The following FAM184A variants were observed in gnomAD, a reference collection of about 807,000 sequenced individuals.
FAM184A encodes protein FAM184A.
Under a neutral mutation model 143.8 loss-of-function variants are expected in FAM184A, and 99 were observed. The observed-to-expected ratio is 0.69, with a 90% CI of 0.58 to 0.81. FAM184A has a LOEUF of 0.81. FAM184A is among the 40% of genes least tolerant of loss of function. FAM184A has a pLI of 0.00. For missense variants in FAM184A, 1,217 were observed against 1,310.5 expected (o/e 0.93, Z 1.10); for synonymous variants, 427 against 446.4 (o/e 0.96, Z 0.55).
Position 119,099,236 on chromosome 6 carries a change from G to A in FAM184A, c.-202+49842C>T, listed in dbSNP as rs73533328. 3.8e-4 allele frequency among the ~76,000 whole-genome samples: 58 copies of A among 151,930 alleles called. 1 individual carries two copies. The highest frequency in any genetic ancestry group is 3.5e-3 in the Admixed American group (53 of 15,252). On this transcript the variant is annotated intron_variant, in intron 1 of 16. Transcript: ENST00000352896. ...TATGCATCTCTTCATCGTATCCTTC[G>A]CAATCTCCTTTGTAACAAGCCAGTG...
chr6:118,990,962 C>A (rs1389533692), intron 9 of FAM184A, among the ~76,000 whole-genome samples: 1 of 151,838 alleles, frequency 6.6e-6, no homozygotes, highest in Non-Finnish European at 1.5e-5. Flanking sequence ...GGGTGAGATA[C>A]AGAGTTGAGT....
At chr6:119,035,748 G>C (rs542524194) in intron 1 of FAM184A, among the ~76,000 whole-genome samples, 5 of 152,078 alleles carry the variant, frequency 3.3e-5, no homozygotes, top group Admixed American at 1.3e-4. Flanking sequence ...TTAACCAGCT[G>C]CCAAAAAAAA....
intron 1 of FAM184A, among the ~76,000 whole-genome samples, chr6:119,049,632 T>C (rs1009455105): frequency 6.6e-6 from 1 of 152,210 alleles, no homozygotes; most frequent in Non-Finnish European, 1.5e-5. Flanking sequence ...GCTAGCCATA[T>C]GTAGAAGATT....
chr6:119,116,019 A>ACACACAC (rs1789052331), intron 1 of FAM184A, among the ~76,000 whole-genome samples: 2 of 151,056 alleles, frequency 1.3e-5, no homozygotes, highest in Admixed American at 6.6e-5. Flanking sequence ...ACACACACAC[A>ACACACAC]ACGAGAGAGA....
At chr6:119,076,535 A>C (rs1486721640) in intron 1 of FAM184A, among the ~76,000 whole-genome samples, 1 of 152,218 alleles carries the variant, frequency 6.6e-6, no homozygotes, top group Non-Finnish European at 1.5e-5. Context: ...GGAAACTGAA[A>C]AAGTGTTAAG....
In FAM184A at chr6:118,966,922, C is replaced by A. The variant is rs1783519229; in HGVS notation, c.2946G>T (p.Met982Ile). Residue 982 changes from methionine to isoleucine, a missense_variant, in exon 15 of 18, where the codon ATG (methionine) becomes ATT (isoleucine). Transcript: ENST00000338891. ...SLEEMEEKYLMRESKPEDIQM... is the reference protein window; with the variant it reads ...SLEEMEEKYLIRESKPEDIQM... ...GTATATCTTCTGGTTTTGATTCTCT[C>A]ATTAGATATTTTTCTTCCATTTCTT... 4 of 1,567,594 alleles carry A rather than the reference C, an allele frequency of 2.6e-6. No homozygotes were observed. Among genetic ancestry groups the A allele is most frequent in the South Asian group, 1.1e-5 (1 of 88,394 alleles).
At chr6:118,992,865 G>C (rs556164653) in intron 9 of FAM184A, among the ~76,000 whole-genome samples, 4 of 152,146 alleles carry the variant, frequency 2.6e-5, no homozygotes, top group Non-Finnish European at 5.9e-5. Context: ...AGGGGGTCAA[G>C]ACCACACTGA....
At chr6:119,029,476 C>T (rs1235170550) in intron 1 of FAM184A, among the ~76,000 whole-genome samples, 1 of 152,026 alleles carries the variant, frequency 6.6e-6, no homozygotes, top group Non-Finnish European at 1.5e-5. Context: ...TTCTTTATAT[C>T]TAGAACCTCC....
chr6:119,040,258 C>T (rs976342356), intron 1 of FAM184A, among the ~76,000 whole-genome samples: 2 of 152,158 alleles, frequency 1.3e-5, no homozygotes, highest in Admixed American at 6.5e-5. Context: ...GATTTGCCGC[C>T]GGTAACTCGG....
At chr6:119,021,892 C>T (rs1174430686) in intron 3 of FAM184A, among the ~76,000 whole-genome samples, 1 of 152,052 alleles carries the variant, frequency 6.6e-6, no homozygotes, top group African/African-American at 2.4e-5. Context: ...GGGAGGATCA[C>T]TTGAGCCCAG....
chr6:119,061,210 A>G (rs1787223009), intron 1 of FAM184A, among the ~76,000 whole-genome samples: 1 of 152,218 alleles, frequency 6.6e-6, no homozygotes, highest in Non-Finnish European at 1.5e-5. Flanking sequence ...GGAATAGTTT[A>G]CAAGTTGCGG....
intron 1 of FAM184A, among the ~76,000 whole-genome samples, chr6:119,127,678 C>T (rs1789408897): frequency 6.6e-6 from 1 of 152,156 alleles, no homozygotes; most frequent in Non-Finnish European, 1.5e-5. Context: ...GAAGCAGCTA[C>T]CCTAAAGTCA....
chr6:119,034,812 C>T (rs2079496444), intron 1 of FAM184A, among the ~76,000 whole-genome samples: 1 of 152,142 alleles, frequency 6.6e-6, no homozygotes, highest in Non-Finnish European at 1.5e-5. Flanking sequence ...TGGGCTTTTC[C>T]TATACTACCT....
chr6:119,030,772 GAAAA>G (rs895385177), intron 1 of FAM184A, among the ~76,000 whole-genome samples: 3 of 149,546 alleles, frequency 2.0e-5, no homozygotes, highest in Non-Finnish European at 4.5e-5. Flanking sequence ...TTTACAAATA[GAAAA>G]AAAAACTCTC....
chr6:119,137,115 T>C (rs575267840), intron 1 of FAM184A, among the ~76,000 whole-genome samples: 2 of 152,236 alleles, frequency 1.3e-5, no homozygotes, highest in African/African-American at 4.8e-5. Flanking sequence ...GGTGACAGAC[T>C]GTTTAAAGTA....
chr6:119,110,061 C>A (rs968430920), intron 1 of FAM184A, among the ~76,000 whole-genome samples: 6 of 152,142 alleles, frequency 3.9e-5, no homozygotes, highest in African/African-American at 1.4e-4. Flanking sequence ...GTCTAAGTAT[C>A]GTGCTTTAAC....
intron 1 of FAM184A, among the ~76,000 whole-genome samples, chr6:119,065,259 T>C (rs549231014): frequency 6.6e-6 from 1 of 152,234 alleles, no homozygotes; most frequent in African/African-American, 2.4e-5. Flanking sequence ...TCACTTACTA[T>C]AAGAAGACCC....
chr6:119,017,079 C>T, intron 4 of FAM184A, 135 bp from the exon 5 acceptor site: 1 of 631,538 alleles, frequency 1.6e-6, no homozygotes, highest in Non-Finnish European at 2.7e-6. Flanking sequence ...AACATGACAA[C>T]AAATCATTAG....
At chr6:118,981,374 G>C (rs1037685050) in intron 9 of FAM184A, among the ~76,000 whole-genome samples, 7 of 152,142 alleles carry the variant, frequency 4.6e-5, no homozygotes, top group Non-Finnish European at 8.8e-5. Context: ...TGTAAAATGT[G>C]TTCCATAAGC....
Sources: gnomAD v4.1 joint callset for allele counts (sites outside exome capture counted in the v4.1 genomes callset) on GRCh38, gnomAD v4.1.1 for gene constraint, MANE v1.5 for transcripts, NCBI Gene and HGNC (gene_info 2026-07-23, HGNC 2026-07-21) for gene names.